Variants in NPAS3 observed in about 807,000 individuals in gnomAD.
The protein encoded by NPAS3 is neuronal PAS domain-containing protein 3.
In NPAS3, 14 loss-of-function variants were observed where a neutral mutation model predicts 73.1. The ratio of observed to expected loss-of-function variants is 0.19; its 90% CI spans 0.13 to 0.30. The LOEUF (loss-of-function observed/expected upper bound fraction) is 0.30, where lower values mean the gene tolerates loss of function less well. NPAS3 is among the 10% of genes least tolerant of loss of function. NPAS3 has a pLI of 1.00. For missense variants in NPAS3, 1,096 were observed against 1,250.0 expected, an observed-to-expected ratio of 0.88 and a Z score of 1.86; for synonymous variants, 620 against 541.5, an observed-to-expected ratio of 1.14 and a Z score of -2.01.
chr14:33,629,380 T>G lies in NPAS3; in HGVS notation c.559-46831T>G, dbSNP rs1457571066. 2.0e-5 allele frequency among the ~76,000 whole-genome samples: 3 copies of G among 152,182 alleles called. No homozygotes were observed. In the East Asian group the frequency reaches 5.8e-4, roughly 29 times the overall value. ...GTGAGGATCATTATCAGAATTGCCC[T>G]TTCACATTAGAGTTTGTTCTGATGA... is the stretch of plus-strand genomic sequence containing the variant. On this transcript the variant is annotated intron_variant, in intron 5 of 11. Coordinates refer to ENST00000356141, the Ensembl canonical transcript of NPAS3.
chr14:33,546,426 G>C (rs181593193), intron 4 of NPAS3, among the ~76,000 whole-genome samples: 13 of 152,204 alleles, frequency 8.5e-5, no homozygotes, highest in Admixed American at 8.5e-4. Flanking sequence ...TACTATAAGG[G>C]GCATTAGTAA....
At chr14:33,340,989 A>G (rs2044451665) in intron 3 of NPAS3, among the ~76,000 whole-genome samples, 1 of 152,182 alleles carries the variant, frequency 6.6e-6, no homozygotes, top group Admixed American at 6.5e-5. Flanking sequence ...GTTCCAAGAT[A>G]TTTTATTTCT....
chr14:32,960,992 A>G (rs2036887801), intron 1 of NPAS3, among the ~76,000 whole-genome samples: 1 of 152,252 alleles, frequency 6.6e-6, no homozygotes, highest in African/African-American at 2.4e-5. Flanking sequence ...ATTTCATGGC[A>G]GCTCTTGAAA....
At chr14:33,072,849 C>A (rs1263967316) in intron 2 of NPAS3, among the ~76,000 whole-genome samples, 5 of 152,038 alleles carry the variant, frequency 3.3e-5, no homozygotes, top group African/African-American at 4.8e-5. Flanking sequence ...GGACAGTAAC[C>A]TTGGTACATA....
At chr14:33,665,285 G>A (rs1454673625) in intron 5 of NPAS3, among the ~76,000 whole-genome samples, 2 of 152,110 alleles carry the variant, frequency 1.3e-5, no homozygotes, top group South Asian at 2.1e-4. Flanking sequence ...TCACACACCC[G>A]GGACTGCCAG....
intron 3 of NPAS3, among the ~76,000 whole-genome samples, chr14:33,323,598 G>A (rs2043557787): frequency 6.6e-6 from 1 of 152,154 alleles, no homozygotes. Context: ...ATGTAAATGA[G>A]GACACTTAGA....
intron 3 of NPAS3, among the ~76,000 whole-genome samples, chr14:33,236,908 T>C (rs2048053299): frequency 6.6e-6 from 1 of 152,126 alleles, no homozygotes; most frequent in South Asian, 2.1e-4. Context: ...TTTTCAGTCT[T>C]TATGAAAGAT....
intron 1 of NPAS3, among the ~76,000 whole-genome samples, chr14:32,956,941 A>G (rs952608167): frequency 6.6e-6 from 1 of 152,166 alleles, no homozygotes; most frequent in Non-Finnish European, 1.5e-5. Flanking sequence ...AACTCAATCT[A>G]TTGGCCAAAA....
At chr14:33,481,376 GAC>G (rs1482584053) in intron 4 of NPAS3, among the ~76,000 whole-genome samples, 5 of 152,168 alleles carry the variant, frequency 3.3e-5, no homozygotes, top group African/African-American at 1.2e-4. Context: ...TAAGGTTAAA[GAC>G]ACAGAGTAAA....
At position 33,753,358 on chromosome 14, in the gene NPAS3, T is replaced by TAA. The variant is rs34619014; in HGVS notation, c.852+18040_852+18041dup. ...GCTTAAGATGATTCTGTTAAATTGA[T>TAA]AAAAAAAAAAAAAAACGTACACTCC... On this transcript the variant is annotated intron_variant, in intron 7 of 11. Coordinates refer to ENST00000356141, the Ensembl canonical transcript of NPAS3. Among the ~76,000 whole-genome samples, 1,097 of 129,420 alleles carry TAA rather than the reference T, an allele frequency of 8.5e-3. 26 individuals carry two copies. The highest frequency in any genetic ancestry group is 0.028 in the African/African-American group (991 of 35,834). The allele number at this position is 129,420 out of a possible 152,430, so 84.9% of individuals were successfully genotyped here. A position where few individuals can be genotyped will look rare whatever the true frequency, so the allele number is the denominator to read the frequency against.
At chr14:33,656,609 A>C (rs2140253950) in intron 5 of NPAS3, among the ~76,000 whole-genome samples, 1 of 152,324 alleles carries the variant, frequency 6.6e-6, no homozygotes, top group Non-Finnish European at 1.5e-5. Context: ...TTTGAGGTGT[A>C]TAGCATGATG....
chr14:32,945,106 A>T (rs1269445360), intron 1 of NPAS3, among the ~76,000 whole-genome samples: 1 of 152,214 alleles, frequency 6.6e-6, no homozygotes, highest in East Asian at 1.9e-4. Context: ...GAGCCAGAAG[A>T]TACCCTTTTC....
chr14:33,460,111 G>T (rs1473301975), intron 4 of NPAS3, among the ~76,000 whole-genome samples: 3 of 152,176 alleles, frequency 2.0e-5, no homozygotes, highest in Non-Finnish European at 4.4e-5. Flanking sequence ...TATTACAAGA[G>T]TACTCGTACA....
intron 3 of NPAS3, among the ~76,000 whole-genome samples, chr14:33,241,901 T>C (rs1398852827): frequency 2.0e-5 from 3 of 152,050 alleles, no homozygotes; most frequent in Non-Finnish European, 4.4e-5. Flanking sequence ...GCATGGTGAA[T>C]AGTTTCCTTA....
chr14:33,102,272 T>C (rs2042599952), intron 2 of NPAS3, among the ~76,000 whole-genome samples: 1 of 152,102 alleles, frequency 6.6e-6, no homozygotes, highest in African/African-American at 2.4e-5. Context: ...AGGATTGATT[T>C]TGAATAGAAA....
chr14:33,774,861 C>G (rs139141756), intron 8 of NPAS3, among the ~76,000 whole-genome samples: 99 of 152,196 alleles, frequency 6.5e-4, no homozygotes, highest in Middle Eastern at 6.8e-3. Context: ...TGCCTGATGC[C>G]TCATCGGGAC....
In NPAS3 at chr14:33,664,666, A is replaced by C. The variant is rs543169915; in HGVS notation, c.559-11545A>C. Among the ~76,000 whole-genome samples the C allele has an allele frequency of 2.0e-5, 3 of 152,354 alleles. No individual in the cohort carries two copies. In the East Asian group the frequency reaches 5.8e-4, roughly 29 times the overall value. On this transcript the variant is annotated intron_variant, in intron 5 of 11. Coordinates refer to ENST00000356141, the Ensembl canonical transcript of NPAS3. ...ATCTACAAGGAACTCAAACAAATTT[A>C]TAAGAAAAAACCCCATCAAAAAGTA...
At chr14:33,234,604 G>A (rs1345697627) in intron 3 of NPAS3, among the ~76,000 whole-genome samples, 1 of 152,080 alleles carries the variant, frequency 6.6e-6, no homozygotes, top group Non-Finnish European at 1.5e-5. Flanking sequence ...GTTGGTGAGC[G>A]AGAAAACCGT....
In NPAS3 at chr14:33,476,572, A is replaced by G. The variant is rs146611449; in HGVS notation, c.469-83549A>G. ...TACACCCCTCTATTGTCAATTTAGT[A>G]TTCCCCAATTTAAACATTTATGAGT... is the stretch of plus-strand genomic sequence containing the variant. On this transcript the variant is annotated intron_variant, in intron 4 of 11. Transcript: ENST00000356141. Among the ~76,000 whole-genome samples, 563 of 152,320 alleles carry G rather than the reference A, an allele frequency of 3.7e-3. 4 individuals are homozygous for G. Among genetic ancestry groups the G allele is most frequent in the African/African-American group, 0.013 (539 of 41,578 alleles).
Sources: gnomAD v4.1 joint callset for allele counts (sites outside exome capture counted in the v4.1 genomes callset) on GRCh38, gnomAD v4.1.1 for gene constraint, MANE v1.5 for transcripts, NCBI Gene and HGNC (gene_info 2026-07-23, HGNC 2026-07-21) for gene names.